Variants in IMMP2L observed in about 807,000 individuals in gnomAD.
IMMP2L encodes the protein inner mitochondrial membrane peptidase subunit 2.
IMMP2L carries 18 observed loss-of-function variants against 19.3 expected under a neutral mutation model. The observed-to-expected ratio is 0.93, with a 90% CI of 0.64 to 1.38. The LOEUF (loss-of-function observed/expected upper bound fraction) is 1.38. IMMP2L is among the 40% of genes most tolerant of loss of function. The pLI, the probability that IMMP2L is intolerant of heterozygous loss-of-function variation, is 0.00. For missense variants in IMMP2L, 233 were observed against 218.2 expected, an observed-to-expected ratio of 1.07 and a Z score of -0.43; for synonymous variants, 76 against 73.0, an observed-to-expected ratio of 1.04 and a Z score of -0.21.
At chr7:111,313,603 T>C (rs573393400) in intron 3 of IMMP2L, among the ~76,000 whole-genome samples, 7 of 152,170 alleles carry the variant, frequency 4.6e-5, no homozygotes, top group Non-Finnish European at 8.8e-5. Context: ...AATCAACAAA[T>C]ACTTACTGTG....
rs78809932 is a variant in IMMP2L at position 111,532,915 on chromosome 7, T to A, written c.-2-11466A>T. Among the ~76,000 whole-genome samples the A allele has an allele frequency of 3.9e-3, 591 of 152,156 alleles. 3 individuals carry two copies. The highest frequency in any genetic ancestry group is 0.013 in the African/African-American group (530 of 41,506). Reference sequence around the variant, plus strand: ...GAAGATGCAAGCCAGAGGAAAAGATTTATGCAATTTAAGGTGAAAGCAACA... The same window carrying A: ...GAAGATGCAAGCCAGAGGAAAAGATATATGCAATTTAAGGTGAAAGCAACA... On this transcript the variant is annotated intron_variant, in intron 1 of 5. Coordinates refer to ENST00000405709, the MANE Select transcript of IMMP2L (RefSeq NM_032549.4).
At chr7:110,977,596 C>T (rs1048592471) in intron 3 of IMMP2L, among the ~76,000 whole-genome samples, 1 of 151,946 alleles carries the variant, frequency 6.6e-6, no homozygotes, top group African/African-American at 2.4e-5. Context: ...GTTTATTACA[C>T]CCAGTTAGCA....
At chr7:110,797,680 G>A (rs1800951811) in intron 5 of IMMP2L, among the ~76,000 whole-genome samples, 1 of 151,942 alleles carries the variant, frequency 6.6e-6, no homozygotes, top group Non-Finnish European at 1.5e-5. Context: ...ACTGGGAACT[G>A]ATTACTTTAT....
At chr7:110,970,823 A>G (rs536535553) in intron 3 of IMMP2L, among the ~76,000 whole-genome samples, 102 of 152,138 alleles carry the variant, frequency 6.7e-4, no homozygotes, top group Non-Finnish European at 1.3e-3. Context: ...GGAATAAAAC[A>G]AAATTAACTG....
intron 5 of IMMP2L, among the ~76,000 whole-genome samples, chr7:110,731,755 A>G (rs570142703): frequency 4.5e-4 from 68 of 152,334 alleles, no homozygotes; most frequent in Non-Finnish European, 8.7e-4. Context: ...TATCATAAGT[A>G]TGAGATTATA....
intron 1 of IMMP2L, among the ~76,000 whole-genome samples, chr7:111,550,541 A>G (rs1280182640): frequency 6.6e-6 from 1 of 152,132 alleles, no homozygotes; most frequent in East Asian, 1.9e-4. Context: ...GAGGCTATGC[A>G]TGTGTGAGGG....
In IMMP2L at chr7:110,784,253, T is replaced by C. The variant is rs150753896; in HGVS notation, c.408+102340A>G. 5.4e-4 allele frequency among the ~76,000 whole-genome samples: 82 copies of C among 152,056 alleles called. No homozygotes were observed. In the Middle Eastern group the frequency reaches 0.017, roughly 32 times the overall value. On this transcript the variant is annotated intron_variant, in intron 5 of 5. Transcript: ENST00000405709. ...CAATGGAAAGACCTTATTTTACTTT[T>C]AATGCATCTGTCTGCATGGTCTCAA...
In IMMP2L at chr7:110,727,722, C is replaced by T. The variant is rs1042041267; in HGVS notation, c.409-64001G>A. Among the ~76,000 whole-genome samples the T allele has an allele frequency of 7.2e-5, 11 of 152,078 alleles. No individual in the cohort carries two copies. The highest frequency in any genetic ancestry group is 5.2e-4 in the Admixed American group (8 of 15,270). ...GATATTTAAATTATTAAATTGAATC[C>T]GTATTCTTACCTCCGAAGCTACTGT... On this transcript the variant is annotated intron_variant, in intron 5 of 5. Coordinates refer to ENST00000405709, the MANE Select transcript of IMMP2L (RefSeq NM_032549.4). The surrounding 1 kb of genome is among the most constrained non-coding windows in gnomAD (Gnocchi z 4.3).
At chr7:111,088,771 A>T (rs561561581) in intron 3 of IMMP2L, among the ~76,000 whole-genome samples, 1 of 152,234 alleles carries the variant, frequency 6.6e-6, no homozygotes, top group East Asian at 1.9e-4. Flanking sequence ...TTTTTCATGT[A>T]TCTTTGGAGA....
chr7:111,276,635 G>A (rs1819093069), intron 3 of IMMP2L, among the ~76,000 whole-genome samples: 1 of 144,808 alleles, frequency 6.9e-6, no homozygotes. Flanking sequence ...ATATTCATGT[G>A]GAACCGAAAA....
At chr7:111,173,726 T>A (rs1216278685) in intron 3 of IMMP2L, among the ~76,000 whole-genome samples, 1 of 151,644 alleles carries the variant, frequency 6.6e-6, no homozygotes, top group Non-Finnish European at 1.5e-5. Context: ...GTGTTTCTTA[T>A]ATTATCAGAA....
intron 5 of IMMP2L, among the ~76,000 whole-genome samples, chr7:110,706,863 G>T (rs73208735): frequency 6.6e-6 from 1 of 151,912 alleles, no homozygotes; most frequent in Non-Finnish European, 1.5e-5. Flanking sequence ...GGTCCCACTC[G>T]TCAATTTTTG....
chr7:110,936,923 T>C (rs541174637), intron 4 of IMMP2L, among the ~76,000 whole-genome samples: 1 of 152,202 alleles, frequency 6.6e-6, no homozygotes, highest in Non-Finnish European at 1.5e-5. Flanking sequence ...CTGGATACCA[T>C]CATTCTCAGC....
chr7:110,974,539 G>T (rs1022184573), intron 3 of IMMP2L, among the ~76,000 whole-genome samples: 1 of 152,078 alleles, frequency 6.6e-6, no homozygotes, highest in Non-Finnish European at 1.5e-5. Context: ...ATTCAGTTTC[G>T]TTTTAAAATA....
intron 5 of IMMP2L, among the ~76,000 whole-genome samples, chr7:110,787,512 A>G (rs906524928): frequency 2.0e-5 from 3 of 151,986 alleles, no homozygotes; most frequent in Non-Finnish European, 4.4e-5. Context: ...TCTTGGTACT[A>G]GAAAATATAT....
chr7:110,900,466 T>G (rs2129547155), intron 4 of IMMP2L, among the ~76,000 whole-genome samples: 1 of 152,318 alleles, frequency 6.6e-6, no homozygotes, highest in South Asian at 2.1e-4. Context: ...TCCTGGACTC[T>G]TGCAGTCACC....
intron 3 of IMMP2L, among the ~76,000 whole-genome samples, chr7:111,417,880 A>C (rs1181215925): frequency 6.6e-6 from 1 of 151,878 alleles, no homozygotes; most frequent in African/African-American, 2.4e-5. Flanking sequence ...CTGCGTTTGC[A>C]AAGCCCAAAT....
intron 3 of IMMP2L, among the ~76,000 whole-genome samples, chr7:111,232,538 C>G (rs1813830291): frequency 6.6e-6 from 1 of 151,898 alleles, no homozygotes; most frequent in African/African-American, 2.4e-5. Context: ...TTTTCTGAAC[C>G]AATAAATTCT....
At chr7:110,771,054 G>T (rs1314292772) in intron 5 of IMMP2L, among the ~76,000 whole-genome samples, 1 of 152,116 alleles carries the variant, frequency 6.6e-6, no homozygotes, top group Non-Finnish European at 1.5e-5. Context: ...GACAGGAAAA[G>T]GGGGAAGACA....
Sources: allele counts gnomAD v4.1 joint callset (sites outside exome capture counted in the v4.1 genomes callset), GRCh38; gene constraint gnomAD v4.1.1; non-coding constraint Gnocchi (gnomAD v3.1); transcripts MANE v1.5; gene names NCBI Gene and HGNC (gene_info 2026-07-23, HGNC 2026-07-21).